DOCK7: variants seen among roughly 807,000 people sequenced by gnomAD.
The protein encoded by DOCK7 is dedicator of cytokinesis protein 7.
DOCK7 carries 138 observed loss-of-function variants against 271.0 expected under a neutral mutation model. The observed-to-expected ratio is 0.51, with a 90% confidence interval of 0.44 to 0.59. The LOEUF is 0.59. Among genes scored for constraint, DOCK7 ranks in the 20% least tolerant of loss-of-function variants. The pLI is 0.00. For synonymous variants in DOCK7, 823 were observed against 876.1 expected, an observed-to-expected ratio of 0.94 and a Z score of 1.07; for missense variants, 2,066 against 2,592.4, an observed-to-expected ratio of 0.80 and a Z score of 4.41.
chr1:62,538,168 G>A, intron 27 of DOCK7, 107 bp from the exon 28 acceptor site: 3 of 1,266,530 alleles, frequency 2.4e-6, no homozygotes, highest in Non-Finnish European at 2.1e-6. Flanking sequence ...TTGGTATCCA[G>A]TTTGGGTTTT....
chr1:62,552,930 T>G, intron 21 of DOCK7, 29 bp from the exon 22 acceptor site: 1 of 1,426,648 alleles, frequency 7.0e-7, no homozygotes. Context: ...TAGCACATAA[T>G]TAAAGAAAAT....
rs1004636865 is a variant in DOCK7, at chr1:62,618,031, G to C, written c.1682+675C>G. Among the ~76,000 whole-genome samples, 4 of 152,092 alleles carry C rather than the reference G, an allele frequency of 2.6e-5. No homozygotes were observed. In the South Asian group the frequency reaches 8.3e-4, roughly 32 times the overall value. The stretch of plus-strand genomic sequence containing the variant: ...AGTCTAGGATGAAATCCAAATTTCT[G>C]TTTTAGAATCTTATACCTGAGCTGC... On this transcript the variant is annotated intron_variant, in intron 14 of 49. Coordinates refer to ENST00000635253, the MANE Select transcript of DOCK7 (RefSeq NM_001367561.1).
chr1:62,654,957 T>C (rs913784343), intron 2 of DOCK7, among the ~76,000 whole-genome samples: 2 of 152,194 alleles, frequency 1.3e-5, no homozygotes, highest in African/African-American at 2.4e-5. Context: ...CCAGGAGAAA[T>C]CTGAAGAAAG....
chr1:62,679,969 A>G (rs1036353864), intron 1 of DOCK7, among the ~76,000 whole-genome samples: 8 of 152,228 alleles, frequency 5.3e-5, no homozygotes, highest in African/African-American at 1.9e-4. Flanking sequence ...TGCCCAAGGT[A>G]ATTTATAGAT....
intron 31 of DOCK7, among the ~76,000 whole-genome samples, chr1:62,521,812 C>T (rs1557662401): frequency 6.6e-6 from 1 of 151,902 alleles, no homozygotes; most frequent in Non-Finnish European, 1.5e-5. Context: ...CCTGTCTCTA[C>T]TAAAAATACA....
chr1:62,525,550 T>C (rs921843304), intron 31 of DOCK7, among the ~76,000 whole-genome samples: 1 of 152,092 alleles, frequency 6.6e-6, no homozygotes, highest in Non-Finnish European at 1.5e-5. Context: ...TTAAAAAAAA[T>C]AAAAAGGTTA....
intron 21 of DOCK7, among the ~76,000 whole-genome samples, chr1:62,553,233 C>T (rs1213148991): frequency 1.4e-5 from 2 of 144,154 alleles, no homozygotes; most frequent in Admixed American, 1.4e-4. Context: ...TGAAGTTTCA[C>T]CATGTTGGCC....
chr1:62,676,949 G>A (rs761106807), intron 1 of DOCK7, among the ~76,000 whole-genome samples: 1 of 152,196 alleles, frequency 6.6e-6, no homozygotes, highest in Non-Finnish European at 1.5e-5. Flanking sequence ...GCCACAGCTA[G>A]CTAGCATCAG....
At chr1:62,600,793 C>T (rs907041031) in intron 14 of DOCK7, among the ~76,000 whole-genome samples, 1 of 151,716 alleles carries the variant, frequency 6.6e-6, no homozygotes, top group African/African-American at 2.4e-5. Flanking sequence ...GAATACATTA[C>T]AATATTCTAA....
rs998736674 is a variant in DOCK7 at position 62,544,879 on chromosome 1, T to C, written c.2859+68A>G. On this transcript the variant is annotated intron_variant, in intron 23 of 49. Transcript: ENST00000635253. ...AGCAAGCCACTGAAATCATAGTATA[T>C]ACTAAAAAGTAATGTTCTAAAGGGA... 5 of 1,227,138 alleles carry C rather than the reference T, an allele frequency of 4.1e-6. No homozygotes were observed. In the African/African-American group the frequency reaches 4.6e-5, roughly 11 times the overall value. The allele number at this position is 1,227,138 out of a possible 1,614,324, so 76.0% of individuals were successfully genotyped here. A position where few individuals can be genotyped will look rare whatever the true frequency, so the allele number is the denominator to read the frequency against.
chr1:62,487,538 G>T, intron 42 of DOCK7, 126 bp from the exon 43 acceptor site: 2 of 784,774 alleles, frequency 2.5e-6, no homozygotes, highest in Non-Finnish European at 4.1e-6. Context: ...ATTTTAAACA[G>T]CATATTCATT....
At chr1:62,494,693 T>A (rs1384895072) in intron 39 of DOCK7, 6 of 358,550 alleles carry the variant, frequency 1.7e-5, no homozygotes, top group Non-Finnish European at 3.0e-5. Context: ...AAAAAAGAAA[T>A]ACGCCATATT....
intron 14 of DOCK7, chr1:62,609,550 A>T (rs1020198872): frequency 2.0e-5 from 3 of 152,236 alleles, no homozygotes; most frequent in African/African-American, 7.2e-5. Context: ...TATGAACTAT[A>T]AAGTTCTAAA....
intron 29 of DOCK7, among the ~76,000 whole-genome samples, chr1:62,531,412 T>C (rs1645171013): frequency 6.6e-6 from 1 of 152,226 alleles, no homozygotes; most frequent in African/African-American, 2.4e-5. Flanking sequence ...TCCCCATTTT[T>C]AAGTGGCTCA....
chr1:62,582,608 A>G (rs2149491663), intron 16 of DOCK7, among the ~76,000 whole-genome samples: 1 of 151,214 alleles, frequency 6.6e-6, no homozygotes. Flanking sequence ...GGCCCCAAAA[A>G]AAAAAAGATA....
chr1:62,561,508 G>T, intron 19 of DOCK7, 109 bp downstream of exon 19: 1 of 515,224 alleles, frequency 1.9e-6, no homozygotes. Context: ...TCATAAATCT[G>T]ACAGCAATGA....
chr1:62,670,452 A>C (rs1301175617), intron 1 of DOCK7, among the ~76,000 whole-genome samples: 2 of 152,200 alleles, frequency 1.3e-5, no homozygotes, highest in Non-Finnish European at 2.9e-5. Flanking sequence ...TGAGTGCACC[A>C]ATCGACACTC....
At chr1:62,510,300 T>C (rs1644445936) in intron 34 of DOCK7, among the ~76,000 whole-genome samples, 1 of 152,216 alleles carries the variant, frequency 6.6e-6, no homozygotes, top group African/African-American at 2.4e-5. Flanking sequence ...ACCTAAAATA[T>C]GTTCAAAAAA....
intron 14 of DOCK7, among the ~76,000 whole-genome samples, chr1:62,613,373 T>TC (rs1351885790): frequency 5.3e-5 from 8 of 152,126 alleles, no homozygotes; most frequent in Admixed American, 1.3e-4. Context: ...ATCAGGCCCC[T>TC]CTTCAGTTAA....
Sources: gnomAD v4.1 joint callset for allele counts (sites outside exome capture counted in the v4.1 genomes callset) on GRCh38, gnomAD v4.1.1 for gene constraint, MANE v1.5 for transcripts, NCBI Gene and HGNC (gene_info 2026-07-23, HGNC 2026-07-21) for gene names.